Variants in TENT4B observed in about 807,000 individuals in gnomAD.
TENT4B encodes the protein PAP associated domain containing 5.
TENT4B carries 10 observed loss-of-function variants against 75.0 expected under a neutral mutation model. That is an observed-to-expected ratio of 0.13 (90% CI 0.08 to 0.23). The LOEUF (loss-of-function observed/expected upper bound fraction) is 0.23, where lower values mean the gene tolerates loss of function less well. TENT4B is among the 10% of genes least tolerant of loss of function. The pLI is 1.00. For missense variants in TENT4B, 579 were observed against 893.8 expected, an observed-to-expected ratio of 0.65 and a Z score of 4.49; for synonymous variants, 350 against 357.7, an observed-to-expected ratio of 0.98 and a Z score of 0.24.
Position 50,153,935 on chromosome 16 carries a change from C to T in TENT4B, c.314C>T (p.Pro105Leu), listed in dbSNP as rs779767372. 4.0e-5 allele frequency: 62 copies of T among 1,533,288 alleles called. No homozygotes were observed. The highest frequency in any genetic ancestry group is 7.9e-5 in the Admixed American group (4 of 50,854). The allele number at this position is 1,533,288 out of a possible 1,614,324, so 95.0% of individuals were successfully genotyped here. Residue 105 changes from proline (P) to leucine (L), a missense_variant, in exon 1 of 12, where the codon CCC becomes CTC. This residue lies in a region of TENT4B where 253 missense variants were observed against 270.1 expected (regional missense o/e 0.94). Transcript: ENST00000561678. ...CCCGCGGAGCAGCGGGACTTCCTGC[C>T]CCTAGAGACGACCAACAACAACAAC... ...ALPAEQRDFLPLETTNNNNNH... is the reference protein window; with the variant it reads ...ALPAEQRDFLLLETTNNNNNH...
chr16:50,184,648 C>G (rs2038489598), intron 1 of TENT4B, among the ~76,000 whole-genome samples: 1 of 151,514 alleles, frequency 6.6e-6, no homozygotes, highest in African/African-American at 2.4e-5. Context: ...GCCTGGGCGA[C>G]AGAGCGAGAC....
chr16:50,188,255 C>T (rs1303724047), intron 1 of TENT4B, among the ~76,000 whole-genome samples: 6 of 152,158 alleles, frequency 3.9e-5, no homozygotes, highest in Non-Finnish European at 7.4e-5. Context: ...TTGGCAATGG[C>T]TTCTGTTACC....
At chr16:50,189,238 G>GT (rs535140752) in intron 1 of TENT4B, among the ~76,000 whole-genome samples, 221 of 151,930 alleles carry the variant, frequency 1.5e-3, no homozygotes, top group African/African-American at 5.2e-3. Flanking sequence ...TACCACATTA[G>GT]TTTTTTTTAA....
chr16:50,183,491 T>A (rs1056577459), intron 1 of TENT4B, among the ~76,000 whole-genome samples: 1 of 151,888 alleles, frequency 6.6e-6, no homozygotes, highest in East Asian at 1.9e-4. Flanking sequence ...TCTTTCTATT[T>A]TTCTTGTTAT....
At chr16:50,216,824 A>T (rs1016615206) in intron 4 of TENT4B, among the ~76,000 whole-genome samples, 4 of 70,778 alleles carry the variant, frequency 5.7e-5, no homozygotes, top group Non-Finnish European at 1.0e-4. Context: ...CTGCTTATTT[A>T]AAAAATTTTT....
At chr16:50,225,423 C>T in intron 10 of TENT4B, 138 bp downstream of exon 10, 1 of 883,360 alleles carries the variant, frequency 1.1e-6, no homozygotes, top group Non-Finnish European at 1.6e-6. Flanking sequence ...CATGCTTGTA[C>T]ATTTTCTCAA....
At chr16:50,228,992 G>C (rs1288640109) in intron 11 of TENT4B, among the ~76,000 whole-genome samples, 160 bp from the exon 12 acceptor site, 1 of 152,150 alleles carries the variant, frequency 6.6e-6, no homozygotes, top group East Asian at 1.9e-4. Context: ...AAGAACCCCT[G>C]TAACAGCTTT....
chr16:50,158,011 C>T (rs560072043), intron 1 of TENT4B, among the ~76,000 whole-genome samples: 3 of 150,934 alleles, frequency 2.0e-5, no homozygotes, highest in Admixed American at 6.6e-5. Context: ...GTGATCCTCC[C>T]GCCTCCGCCT....
chr16:50,163,680 T>C (rs1334468225), intron 1 of TENT4B, among the ~76,000 whole-genome samples: 1 of 151,524 alleles, frequency 6.6e-6, no homozygotes, highest in Admixed American at 6.6e-5. Flanking sequence ...ATTACAGGCA[T>C]GAGCCACCGC....
At chr16:50,153,033 G>T (rs898867858), upstream of TENT4B, 1 of 1,513,580 alleles carries the variant, frequency 6.6e-7, no homozygotes, top group East Asian at 2.6e-5. Flanking sequence ...GGACGCCCAG[G>T]TACGTGGGAG....
intron 1 of TENT4B, among the ~76,000 whole-genome samples, chr16:50,198,943 A>G (rs1385224372): frequency 6.6e-6 from 1 of 152,228 alleles, no homozygotes; most frequent in East Asian, 1.9e-4. Context: ...CAAGGTAAAT[A>G]AACTCATAAT....
Position 50,234,350 on chromosome 16 carries a change from C to G in TENT4B, c.*5022C>G, listed in dbSNP as rs992250529. ...AAGGAGGACTTGGAAAAGCATTCTC[C>G]AAAGCCAGCAACTTGGTGAAGTTCA... On this transcript the variant is annotated 3_prime_UTR_variant, in exon 12 of 12. Coordinates refer to ENST00000561678, the MANE Select transcript of TENT4B (RefSeq NM_001365324.3). The G allele has an allele frequency of 2.2e-6, 2 of 928,708 alleles. No homozygotes were observed. Among genetic ancestry groups the G allele is most frequent in the Non-Finnish European group, 2.5e-6 (2 of 799,766 alleles). The allele number at this position is 928,708 out of a possible 1,614,324, so 57.5% of individuals were successfully genotyped here.
chr16:50,220,471 C>A (rs182242935), intron 5 of TENT4B, among the ~76,000 whole-genome samples: 78 of 152,138 alleles, frequency 5.1e-4, no homozygotes, highest in African/African-American at 1.6e-3. Context: ...TGAACCACCA[C>A]ACCTGACCCC....
At chr16:50,162,930 G>C (rs894302965) in intron 1 of TENT4B, among the ~76,000 whole-genome samples, 1 of 152,082 alleles carries the variant, frequency 6.6e-6, no homozygotes, top group African/African-American at 2.4e-5. Flanking sequence ...GTTTGTTGTT[G>C]GTGGTGGTAA....
rs60683678 is a variant in TENT4B, at chr16:50,155,272, GGTGTGTGTGTGTGT to G, written c.638+1040_638+1053del. On this transcript the variant is annotated intron_variant, in intron 1 of 11. Coordinates refer to ENST00000561678, the MANE Select transcript of TENT4B (RefSeq NM_001365324.3). ...TAAAACAAAGCTTTTGGGTCTCGTG[GGTGTGTGTGTGTGT>G]GTGTGTGTGTGTGTGTGTGTGTGTG... Among the ~76,000 whole-genome samples the G allele has an allele frequency of 2.1e-4, 28 of 135,482 alleles. No homozygotes were observed. The East Asian group carries it at 2.2e-3, about 11-fold the overall frequency. The allele number at this position is 135,482 out of a possible 152,430, so 88.9% of individuals were successfully genotyped here. A position where few individuals can be genotyped will look rare whatever the true frequency, so the allele number is the denominator to read the frequency against.
rs116419590 is a variant in TENT4B at position 50,216,512 on chromosome 16, G to A, written c.930+317G>A. On this transcript the variant is annotated intron_variant, in intron 4 of 11. Coordinates refer to ENST00000561678, the MANE Select transcript of TENT4B (RefSeq NM_001365324.3). ...TTTTTTGTAGAGACGGGGTTTCACC[G>A]TGTTACCCAGACTGATCTCCAACTC... is the stretch of plus-strand genomic sequence containing the variant. 6.5e-3 allele frequency among the ~76,000 whole-genome samples: 985 copies of A among 152,168 alleles called. 9 individuals carry two copies. Among genetic ancestry groups the A allele is most frequent in the African/African-American group, 0.023 (944 of 41,496 alleles).
At position 50,153,876 on chromosome 16, in the gene TENT4B, C is replaced by T. The variant is rs1597210143; in HGVS notation, c.255C>T (p.Arg85=). ...APAPAPAGMY[R]SGERLLGSHA... ...CCCCGGCCCCGGCCGGCATGTATCG[C>T]TCCGGGGAGCGCCTGCTGGGCAGCC... Residue 85 remains arginine (R), a synonymous_variant, in exon 1 of 12, where the codon CGC becomes CGT. Transcript: ENST00000561678. 1.3e-6 allele frequency: 2 copies of T among 1,510,228 alleles called. No individual in the cohort carries two copies. Among genetic ancestry groups the T allele is most frequent in the East Asian group, 2.7e-5 (1 of 37,652 alleles). 93.6% of individuals were successfully genotyped at this position (1,510,228 alleles called of 1,614,324 possible).
At chr16:50,208,653 C>A (rs1382676067) in intron 1 of TENT4B, among the ~76,000 whole-genome samples, 2 of 152,124 alleles carry the variant, frequency 1.3e-5, no homozygotes, top group Non-Finnish European at 2.9e-5. Flanking sequence ...TGGAAGTGAC[C>A]CAGGGCAAGG....
intron 5 of TENT4B, 23 bp from the exon 6 acceptor site, chr16:50,222,283 G>A (rs892594819): frequency 3.2e-5 from 50 of 1,557,888 alleles, no homozygotes; most frequent in Non-Finnish European, 4.0e-5. Flanking sequence ...GGAATTCATT[G>A]AAAATACAAT....
Sources: allele counts gnomAD v4.1 joint callset (sites outside exome capture counted in the v4.1 genomes callset), GRCh38; gene constraint gnomAD v4.1.1; regional missense constraint gnomAD v4.1.1; transcripts MANE v1.5; gene names NCBI Gene and HGNC (gene_info 2026-07-23, HGNC 2026-07-21).